The following TEX11 variants were observed in gnomAD, a reference collection of about 807,000 sequenced individuals.
TEX11 encodes the protein testis expressed 11, also known as testis-expressed protein 11.
A neutral mutation model predicts 84.4 loss-of-function variants in TEX11; 7 were observed. The ratio of observed to expected loss-of-function variants is 0.08; its 90% CI spans 0.05 to 0.16. The LOEUF is 0.16. TEX11 is among the 10% of genes least tolerant of loss of function. The pLI is 1.00. For synonymous variants in TEX11, 264 were observed against 222.8 expected (o/e 1.18, Z -1.64); for missense variants, 551 against 660.5 (o/e 0.83, Z 1.82).
intron 2 of TEX11, among the ~76,000 whole-genome samples, chrX:70,897,969 T>G (rs1237466688): frequency 9.0e-6 from 1 of 111,639 alleles, no homozygotes; most frequent in Non-Finnish European, 1.9e-5. Flanking sequence ...TCAAAGCTAT[T>G]AGCAACTCAG....
chrX:70,658,403 C>G (rs150989426), intron 16 of TEX11, among the ~76,000 whole-genome samples: 21,590 of 110,347 alleles, frequency 0.2, 1,666 homozygotes, highest in African/African-American at 0.21. Context: ...GGCGACAGAG[C>G]GAGACTCAGT....
At chrX:70,739,514 C>G (rs1177823502) in intron 11 of TEX11, among the ~76,000 whole-genome samples, 2 of 107,422 alleles carry the variant, frequency 1.9e-5, no homozygotes, top group African/African-American at 6.8e-5. Context: ...TGGGTTCAAG[C>G]GATTCTCCTG....
At chrX:70,571,321 A>G (rs950501214) in intron 25 of TEX11, among the ~76,000 whole-genome samples, 1 of 111,183 alleles carries the variant, frequency 9.0e-6, no homozygotes, top group African/African-American at 3.3e-5. Flanking sequence ...GCCCAGCCTG[A>G]TTTTCTGTGT....
chrX:70,860,610 A>C (rs1444480844), intron 5 of TEX11, among the ~76,000 whole-genome samples: 1 of 111,961 alleles, frequency 8.9e-6, no homozygotes, highest in Admixed American at 9.5e-5. Flanking sequence ...AAAGTAAAAA[A>C]TAAATCATCA....
chrX:70,738,903 A>T (rs1343531026), intron 11 of TEX11, among the ~76,000 whole-genome samples: 2 of 110,817 alleles, frequency 1.8e-5, no homozygotes, highest in Non-Finnish European at 3.8e-5. Context: ...GAACAATGAG[A>T]ACACATGGAC....
At chrX:70,734,107 G>A (rs2090677228) in intron 11 of TEX11, among the ~76,000 whole-genome samples, 1 of 110,191 alleles carries the variant, frequency 9.1e-6, no homozygotes, top group South Asian at 4.0e-4. Flanking sequence ...TGAACAATGA[G>A]AACACATGGA....
intron 13 of TEX11, among the ~76,000 whole-genome samples, chrX:70,691,035 A>G (rs2090230030): frequency 1.8e-5 from 2 of 112,388 alleles, no homozygotes; most frequent in Non-Finnish European, 3.8e-5. Context: ...GAACTTGTAC[A>G]GACATTTTCC....
intron 13 of TEX11, among the ~76,000 whole-genome samples, chrX:70,711,051 T>G (rs1364785964): frequency 2.7e-4 from 30 of 110,107 alleles, no homozygotes; most frequent in Admixed American, 7.7e-4. Flanking sequence ...TGGTTTTTTG[T>G]CCTTGCGATA....
chrX:70,795,097 G>A (rs764548168), intron 9 of TEX11, among the ~76,000 whole-genome samples: 1 of 108,610 alleles, frequency 9.2e-6, no homozygotes, highest in Non-Finnish European at 1.9e-5. Flanking sequence ...AGAGAGAAGT[G>A]CACTGCCTTG....
intron 2 of TEX11, among the ~76,000 whole-genome samples, chrX:70,898,275 G>A (rs754871149): frequency 8.9e-6 from 1 of 111,894 alleles, no homozygotes; most frequent in Admixed American, 9.5e-5. Flanking sequence ...AGTGGAAGAC[G>A]CTACAGCAAT....
chrX:70,758,966 C>T (rs1307796053), intron 9 of TEX11, among the ~76,000 whole-genome samples: 1 of 111,758 alleles, frequency 8.9e-6, no homozygotes, highest in Non-Finnish European at 1.9e-5. Context: ...ATACAAACTA[C>T]CATCAGAGAA....
chrX:70,713,661 G>A (rs1348016130), intron 13 of TEX11, among the ~76,000 whole-genome samples: 11 of 110,633 alleles, frequency 9.9e-5, no homozygotes, highest in Admixed American at 1.9e-4. Context: ...TTTTTATTGC[G>A]TCTATTTGAT....
chrX:70,668,221 A>G (rs1369102635), intron 16 of TEX11, among the ~76,000 whole-genome samples: 1 of 112,334 alleles, frequency 8.9e-6, no homozygotes. Context: ...AAGAGTCAGT[A>G]TTATTGACTA....
intron 13 of TEX11, among the ~76,000 whole-genome samples, chrX:70,697,385 G>C: frequency 9.0e-6 from 1 of 111,720 alleles, no homozygotes; most frequent in Middle Eastern, 4.7e-3. Flanking sequence ...GAGGTCGCAT[G>C]GTCATTTAGT....
intron 24 of TEX11, among the ~76,000 whole-genome samples, chrX:70,593,091 A>ACACG (rs1555991453): frequency 1.9e-5 from 2 of 104,266 alleles, no homozygotes; most frequent in Non-Finnish European, 1.9e-5. Context: ...ACACACACAC[A>ACACG]CACACGCACA....
At chrX:70,908,581 G>A (rs376871590) in intron 1 of TEX11, 73 bp downstream of exon 1, 2 of 111,952 alleles carry the variant, frequency 1.8e-5, no homozygotes, top group East Asian at 5.6e-4. Flanking sequence ...ATATATTCTT[G>A]CTAGTTATAA....
chrX:70,860,316 T>C (rs2091562024), intron 5 of TEX11, among the ~76,000 whole-genome samples: 1 of 112,060 alleles, frequency 8.9e-6, no homozygotes. Flanking sequence ...ACATATATTT[T>C]ATAGTTTACA....
intron 8 of TEX11, among the ~76,000 whole-genome samples, chrX:70,831,890 T>G (rs2091378816): frequency 9.0e-6 from 1 of 110,900 alleles, no homozygotes; most frequent in Non-Finnish European, 1.9e-5. Flanking sequence ...ATATACAAAT[T>G]TTGTCAATTA....
chrX:70,682,377 A>G (rs2090154292), intron 14 of TEX11, among the ~76,000 whole-genome samples: 1 of 111,639 alleles, frequency 9.0e-6, no homozygotes, highest in African/African-American at 3.3e-5. Flanking sequence ...TTGAGATCAA[A>G]CTAGAGATAT....
Sources: allele counts gnomAD v4.1 joint callset (sites outside exome capture counted in the v4.1 genomes callset), GRCh38; gene constraint gnomAD v4.1.1; transcripts MANE v1.5; gene names NCBI Gene and HGNC (gene_info 2026-07-23, HGNC 2026-07-21).